RFX6: variants seen among roughly 807,000 people sequenced by gnomAD.
RFX6 encodes the protein regulatory factor X6.
Under a neutral mutation model 110.8 loss-of-function variants are expected in RFX6, and 50 were observed. The observed-to-expected ratio is 0.45, with a 90% CI of 0.36 to 0.57. RFX6 has a LOEUF of 0.57. Among genes scored for constraint, RFX6 ranks in the 20% least tolerant of loss-of-function variants. The probability of loss-of-function intolerance (pLI) is 0.00; values close to 1 mark genes in which losing one functional copy is unlikely to be tolerated. For synonymous variants in RFX6, 383 were observed against 411.2 expected, an observed-to-expected ratio of 0.93 and a Z score of 0.83; for missense variants, 990 against 1,127.0, an observed-to-expected ratio of 0.88 and a Z score of 1.74.
In RFX6 at chr6:116,929,083, G is replaced by T. The variant is rs1320438309; in HGVS notation, c.2611+112G>T. The T allele has an allele frequency of 6.5e-6, 5 of 769,958 alleles. No homozygotes were observed. In the African/African-American group the frequency reaches 6.8e-5, roughly 11 times the overall value. 47.7% of individuals were successfully genotyped at this position (769,958 alleles called of 1,614,324 possible). ...TGAACTGAGCAAGCATGTTTCCACG[G>T]TTGATTTATTACCTTGGATCTAAAG... On this transcript the variant is annotated intron_variant, in intron 18 of 18. Transcript: ENST00000332958.
intron 1 of RFX6, 47 bp downstream of exon 1, chr6:116,877,545 T>G: frequency 7.1e-7 from 1 of 1,404,234 alleles, no homozygotes. Context: ...CGGGGACGTA[T>G]TCTAAGAAGG....
chr6:116,915,615 T>A (rs1341155339), intron 7 of RFX6, among the ~76,000 whole-genome samples: 1 of 152,170 alleles, frequency 6.6e-6, no homozygotes, highest in Non-Finnish European at 1.5e-5. Flanking sequence ...TACTACTTTA[T>A]GTTTATTTAT....
intron 5 of RFX6, 47 bp from the exon 6 acceptor site, chr6:116,895,133 A>C (rs1251718937): frequency 9.8e-7 from 1 of 1,017,924 alleles, no homozygotes. Context: ...TGAATGCTAT[A>C]GCTGTAATTT....
rs762122620 is a variant in RFX6, at chr6:116,924,779, A to G, written c.1666A>G (p.Met556Val). Residue 556 changes from methionine (M) to valine (V), a missense_variant, in exon 15 of 19, where the codon ATG (methionine) becomes GTG (valine). Met to Val is a conservative substitution (Grantham distance 21). Around this residue, in one of 5 missense-constraint regions of RFX6, gnomAD observed 89 missense variants for 140.3 expected, o/e 0.63. Coordinates refer to ENST00000332958, the MANE Select transcript of RFX6 (RefSeq NM_173560.4). The stretch of plus-strand genomic sequence containing the variant: ...GTTACAGAATTTATTGGACAAGTAT[A>G]TGAAGAATTCAGGTAACTTAAAATA... ...QELQNLLDKY[M>V]KNSDASKAAF... 2 of 1,585,534 alleles carry G rather than the reference A, an allele frequency of 1.3e-6. No homozygotes were observed. The highest frequency in any genetic ancestry group is 3.3e-5 in the Admixed American group (2 of 59,944).
At chr6:116,892,002 T>C (rs1457221482) in intron 4 of RFX6, among the ~76,000 whole-genome samples, 1 of 152,202 alleles carries the variant, frequency 6.6e-6, no homozygotes, top group Non-Finnish European at 1.5e-5. Context: ...TAACAGACTA[T>C]AATTGTACAT....
In RFX6 at chr6:116,880,563, G is replaced by T. The variant is rs1774568219; in HGVS notation, c.400G>T (p.Val134Leu). 2.5e-6 allele frequency: 4 copies of T among 1,612,802 alleles called. No homozygotes were observed. The highest frequency in any genetic ancestry group is 2.7e-5 in the African/African-American group (2 of 74,872). The change falls in exon 3 of 19, where the codon GTA becomes TTA. Residue 134 changes from valine to leucine, a missense_variant. Physicochemically the swap from Val to Leu is conservative, Grantham distance 32 (BLOSUM62 1). This residue lies in a region of RFX6 where 175 missense variants were observed against 162.3 expected (regional missense o/e 1.08). Transcript: ENST00000332958. ...TLQWLEENYI[V>L]CEGVCLPRCI... The stretch of plus-strand genomic sequence containing the variant: ...TCTTAGGCTTGAAGAGAATTACATT[G>T]TATGTGAAGGAGTTTGCTTACCACG...
Position 116,924,584 on chromosome 6 carries a change from C to T in RFX6, c.1556-85C>T, listed in dbSNP as rs1582536619. 5.7e-6 allele frequency: 7 copies of T among 1,222,226 alleles called. No homozygotes were observed. The East Asian group carries it at 1.4e-4, about 25-fold the overall frequency. 75.7% of individuals were successfully genotyped at this position (1,222,226 alleles called of 1,614,324 possible). Reference sequence around the variant, plus strand: ...TGTTGCGAGATGGTCACAAAGATAACTGACTTCTCTTTCCCTTTCCTTCTC... The same window carrying T: ...TGTTGCGAGATGGTCACAAAGATAATTGACTTCTCTTTCCCTTTCCTTCTC... On this transcript the variant is annotated intron_variant, in intron 14 of 18. Transcript: ENST00000332958.
intron 2 of RFX6, among the ~76,000 whole-genome samples, 166 bp downstream of exon 2, chr6:116,878,118 TAG>T (rs1582506093): frequency 6.6e-6 from 1 of 152,230 alleles, no homozygotes; most frequent in African/African-American, 2.4e-5. Context: ...ATTTTTAGTA[TAG>T]AGACTTATAC....
At chr6:116,912,235 G>A (rs978003227) in intron 7 of RFX6, among the ~76,000 whole-genome samples, 1 of 151,954 alleles carries the variant, frequency 6.6e-6, no homozygotes, top group Middle Eastern at 3.2e-3. Flanking sequence ...TGGGTACTAC[G>A]CTCAGTATCT....
chr6:116,930,478 G>T (rs1288860289), intron 18 of RFX6, among the ~76,000 whole-genome samples: 1 of 152,084 alleles, frequency 6.6e-6, no homozygotes, highest in Non-Finnish European at 1.5e-5. Flanking sequence ...GGACAGTAAG[G>T]CAATAAATAC....
chr6:116,903,275 C>G (rs565613139), intron 6 of RFX6, among the ~76,000 whole-genome samples: 1 of 151,862 alleles, frequency 6.6e-6, no homozygotes, highest in South Asian at 2.1e-4. Context: ...CCCTTTTGCC[C>G]CTTCTTGATG....
chr6:116,891,337 T>C (rs1348573646), intron 4 of RFX6, among the ~76,000 whole-genome samples: 1 of 152,220 alleles, frequency 6.6e-6, no homozygotes, highest in African/African-American at 2.4e-5. Flanking sequence ...TTGTTCTCAA[T>C]CTGCATGGCA....
At chr6:116,927,582 A>T in intron 17 of RFX6, 43 bp downstream of exon 17, 6 of 1,540,926 alleles carry the variant, frequency 3.9e-6, no homozygotes, top group Non-Finnish European at 5.3e-6. Flanking sequence ...TTGAGATGGC[A>T]ATGAGGCAAA....
At chr6:116,879,970 T>G (rs1338848074) in intron 2 of RFX6, among the ~76,000 whole-genome samples, 1 of 152,062 alleles carries the variant, frequency 6.6e-6, no homozygotes, top group African/African-American at 2.4e-5. Context: ...TAGATAATTA[T>G]AGTACTGATG....
At chr6:116,915,807 T>A (rs1266088779) in intron 7 of RFX6, among the ~76,000 whole-genome samples, 1 of 152,148 alleles carries the variant, frequency 6.6e-6, no homozygotes, top group African/African-American at 2.4e-5. Flanking sequence ...ATACTGTAGT[T>A]GTCCATTTGT....
intron 18 of RFX6, among the ~76,000 whole-genome samples, chr6:116,930,293 C>A (rs772637348): frequency 1.4e-4 from 21 of 152,028 alleles, no homozygotes; most frequent in South Asian, 1.2e-3. Context: ...ACAGAGAGCA[C>A]GTCATGTCAG....
chr6:116,922,250 G>T, intron 13 of RFX6, 99 bp downstream of exon 13: 1 of 742,402 alleles, frequency 1.3e-6, no homozygotes, highest in East Asian at 2.6e-5. Context: ...GTGGAAGGCT[G>T]TGTGTGTAAA....
chr6:116,919,762 C>T (rs531197719), intron 11 of RFX6, among the ~76,000 whole-genome samples: 7 of 152,064 alleles, frequency 4.6e-5, no homozygotes, highest in Non-Finnish European at 7.4e-5. Flanking sequence ...TTTAAACTGC[C>T]GACTAATCAT....
intron 6 of RFX6, among the ~76,000 whole-genome samples, chr6:116,901,948 G>T (rs1275108170): frequency 6.6e-6 from 1 of 152,068 alleles, no homozygotes; most frequent in Non-Finnish European, 1.5e-5. Flanking sequence ...TGTTCATTAT[G>T]ATATAATGGG....
Sources: gnomAD v4.1 joint callset for allele counts (sites outside exome capture counted in the v4.1 genomes callset) on GRCh38, gnomAD v4.1.1 for gene constraint, gnomAD v4.1.1 regional missense constraint, MANE v1.5 for transcripts, NCBI Gene and HGNC (gene_info 2026-07-23, HGNC 2026-07-21) for gene names.